UNC5B: variants seen among roughly 807,000 people sequenced by gnomAD.
UNC5B encodes the protein unc-5 netrin receptor B, also known as netrin receptor UNC5B.
A neutral mutation model predicts 103.7 loss-of-function variants in UNC5B; 56 were observed. The observed-to-expected ratio is 0.54, with a 90% confidence interval of 0.44 to 0.67. The LOEUF is 0.67. Ranked by LOEUF, UNC5B falls within the 30% of genes least tolerant of loss-of-function variation. The pLI is 0.00. For synonymous variants in UNC5B, 577 were observed against 542.0 expected, an observed-to-expected ratio of 1.06 and a Z score of -0.90; for missense variants, 1,194 against 1,284.5, an observed-to-expected ratio of 0.93 and a Z score of 1.08.
At chr10:71,284,228 G>A (rs1036527816) in intron 2 of UNC5B, among the ~76,000 whole-genome samples, 1 of 152,072 alleles carries the variant, frequency 6.6e-6, no homozygotes, top group African/African-American at 2.4e-5. Flanking sequence ...GGACTGGGAG[G>A]CCACCAGGCC....
intron 1 of UNC5B, among the ~76,000 whole-genome samples, chr10:71,276,541 C>T (rs1421220172): frequency 6.6e-6 from 1 of 152,242 alleles, no homozygotes. Flanking sequence ...TCAAGCAGTT[C>T]TCCCACCTCA....
At chr10:71,256,946 G>A (rs1242393508) in intron 1 of UNC5B, among the ~76,000 whole-genome samples, 1 of 152,210 alleles carries the variant, frequency 6.6e-6, no homozygotes, top group Non-Finnish European at 1.5e-5. Flanking sequence ...AGGGTGGGCA[G>A]GAGGGTGAGC....
rs1843284384 is a variant in UNC5B, at chr10:71,213,967, C to A, written c.79+903C>A. On this transcript the variant is annotated intron_variant, in intron 1 of 16. Coordinates refer to ENST00000335350, the MANE Select transcript of UNC5B (RefSeq NM_170744.5). The surrounding 1 kb of genome is among the most constrained non-coding windows in gnomAD (Gnocchi z 4.1). ...TCTCGCCGTGGATGAATACGTTTCT[C>A]GCTCGTCCTGTAGCTGGACCCGGCG... Among the ~76,000 whole-genome samples, 1 of 151,902 alleles carries A rather than the reference C, an allele frequency of 6.6e-6. No individual in the cohort carries two copies. The highest frequency in any genetic ancestry group is 6.6e-5 in the Admixed American group (1 of 15,248).
chr10:71,274,125 G>C (rs1844709286), intron 1 of UNC5B, among the ~76,000 whole-genome samples: 1 of 152,200 alleles, frequency 6.6e-6, no homozygotes, highest in South Asian at 2.1e-4. Flanking sequence ...CACTTTGGGA[G>C]GCCAAGGCAG....
intron 1 of UNC5B, among the ~76,000 whole-genome samples, chr10:71,244,948 C>T (rs1843991988): frequency 1.3e-5 from 2 of 152,262 alleles, no homozygotes; most frequent in African/African-American, 4.8e-5. Context: ...ATGTTCCTCA[C>T]TTCCTGCCTG....
Position 71,213,106 on chromosome 10 carries a change from C to G in UNC5B, c.79+42C>G, listed in dbSNP as rs761507574. On this transcript the variant is annotated intron_variant, in intron 1 of 16. Coordinates refer to ENST00000335350, the MANE Select transcript of UNC5B (RefSeq NM_170744.5). The surrounding 1 kb of genome is among the most constrained non-coding windows in gnomAD (Gnocchi z 4.1). ...TCTGGGGGCGCGGGGCTAGGGGACCCTTGCGCCTCACTCTGTCCTGAAGTT... is the reference window on the plus strand; with the variant it reads ...TCTGGGGGCGCGGGGCTAGGGGACCGTTGCGCCTCACTCTGTCCTGAAGTT... 1 of 1,252,030 alleles carries G rather than the reference C, an allele frequency of 8.0e-7. No individual in the cohort carries two copies. Among genetic ancestry groups the G allele is most frequent in the African/African-American group, 1.5e-5 (1 of 65,134 alleles). The allele number at this position is 1,252,030 out of a possible 1,614,324, so 77.6% of individuals were successfully genotyped here.
Position 71,300,197 on chromosome 10 carries a change from C to T in UNC5B, c.*920C>T, listed in dbSNP as rs1487705699. The T allele has an allele frequency of 6.6e-6, 1 of 152,210 alleles. No homozygotes were observed. The highest frequency in any genetic ancestry group is 1.5e-5 in the Non-Finnish European group (1 of 68,054). 9.4% of individuals were successfully genotyped at this position (152,210 alleles called of 1,614,324 possible). Reference sequence around the variant, plus strand: ...CAGGGAGTAGGTCAGACAGGGTTTTCACTGTCTAGATTTAGCTGGTTAGAT... The same window carrying T: ...CAGGGAGTAGGTCAGACAGGGTTTTTACTGTCTAGATTTAGCTGGTTAGAT... On this transcript the variant is annotated 3_prime_UTR_variant, in exon 17 of 17. Transcript: ENST00000335350.
chr10:71,246,903 G>C (rs569047281), intron 1 of UNC5B, among the ~76,000 whole-genome samples: 5 of 152,158 alleles, frequency 3.3e-5, no homozygotes, highest in African/African-American at 1.2e-4. Context: ...GCTCCCTGAA[G>C]CAGGGAGGGC....
In UNC5B at chr10:71,299,407, C is replaced by T. The variant is rs145550621; in HGVS notation, c.*130C>T. On this transcript the variant is annotated 3_prime_UTR_variant, in exon 17 of 17. Transcript: ENST00000335350. Reference sequence around the variant, plus strand: ...ACAGCCAGAGTTGCCTCTCCTCCTCCTCTTCCCCAACCCCCAGACCATGAC... The same window carrying T: ...ACAGCCAGAGTTGCCTCTCCTCCTCTTCTTCCCCAACCCCCAGACCATGAC... 4.7e-5 allele frequency: 54 copies of T among 1,142,164 alleles called. No homozygotes were observed. The East Asian group carries it at 1.2e-3, about 26-fold the overall frequency. The allele number at this position is 1,142,164 out of a possible 1,614,324, so 70.8% of individuals were successfully genotyped here.
intron 10 of UNC5B, 35 bp from the exon 11 acceptor site, chr10:71,292,432 T>C: frequency 6.5e-7 from 1 of 1,544,834 alleles, no homozygotes; most frequent in East Asian, 2.3e-5. Flanking sequence ...TCTCCTAAGC[T>C]CCTGGACTCC....
At chr10:71,218,404 C>T (rs1843382184) in intron 1 of UNC5B, among the ~76,000 whole-genome samples, 1 of 152,186 alleles carries the variant, frequency 6.6e-6, no homozygotes, top group Non-Finnish European at 1.5e-5. Context: ...CATTGTATTC[C>T]GTTGGGGATT....
At chr10:71,215,702 T>C (rs1320645263) in intron 1 of UNC5B, among the ~76,000 whole-genome samples, 1 of 152,150 alleles carries the variant, frequency 6.6e-6, no homozygotes, top group Non-Finnish European at 1.5e-5. Flanking sequence ...TAATGAGCCT[T>C]TCCATGGCCT....
rs1400256856 is a variant in UNC5B at position 71,212,951 on chromosome 10, C to T, written c.-35C>T. The T allele has an allele frequency of 7.6e-6, 10 of 1,310,052 alleles. No homozygotes were observed. The highest frequency in any genetic ancestry group is 9.7e-6 in the Non-Finnish European group (10 of 1,027,952). The allele number at this position is 1,310,052 out of a possible 1,614,324, so 81.2% of individuals were successfully genotyped here. On this transcript the variant is annotated 5_prime_UTR_variant, in exon 1 of 17. Coordinates refer to ENST00000335350, the MANE Select transcript of UNC5B (RefSeq NM_170744.5). ...CGAGACTGGGGCCAGGGAGACAGCC[C>T]TGGGGGAGAGGCGCCCGAACCAGGC...
intron 8 of UNC5B, among the ~76,000 whole-genome samples, chr10:71,290,392 T>C (rs975399922): frequency 2.0e-5 from 3 of 152,200 alleles, no homozygotes; most frequent in Non-Finnish European, 4.4e-5. Context: ...GTGCATCTCA[T>C]TCCACTTCTT....
chr10:71,257,966 T>C (rs1844329708), intron 1 of UNC5B, among the ~76,000 whole-genome samples: 1 of 152,168 alleles, frequency 6.6e-6, no homozygotes. Flanking sequence ...TCTTTAGAGG[T>C]GGGGAAACAG....
intron 1 of UNC5B, among the ~76,000 whole-genome samples, chr10:71,277,142 T>C (rs16928594): frequency 0.074 from 11,269 of 152,278 alleles, 472 homozygotes; most frequent in Middle Eastern, 0.12. Context: ...ATTAGAGTTA[T>C]AAAACAAAGT....
chr10:71,214,179 CTG>C lies in UNC5B; in HGVS notation c.79+1116_79+1117del, dbSNP rs1564701465. Among the ~76,000 whole-genome samples the C allele has an allele frequency of 5.3e-5, 8 of 152,222 alleles. No homozygotes were observed. The South Asian group carries it at 1.0e-3, about 20-fold the overall frequency. ...TGAGGCTGAGAATGGAGCAGGAAAA[CTG>C]GAGCAGAAAGTGGACGAGATGACGC... On this transcript the variant is annotated intron_variant, in intron 1 of 16. Transcript: ENST00000335350.
At chr10:71,215,295 CA>C (rs1222032256) in intron 1 of UNC5B, among the ~76,000 whole-genome samples, 1 of 152,196 alleles carries the variant, frequency 6.6e-6, no homozygotes, top group Non-Finnish European at 1.5e-5. Context: ...GTCCAATAGC[CA>C]GACTGATTCA....
chr10:71,294,243 A>T (rs973369839), intron 13 of UNC5B, among the ~76,000 whole-genome samples: 2 of 152,178 alleles, frequency 1.3e-5, no homozygotes, highest in African/African-American at 2.4e-5. Flanking sequence ...GAAGGCTGAC[A>T]TGTAGGAGTT....
Sources: allele counts gnomAD v4.1 joint callset (sites outside exome capture counted in the v4.1 genomes callset), GRCh38; gene constraint gnomAD v4.1.1; non-coding constraint Gnocchi (gnomAD v3.1); transcripts MANE v1.5; gene names NCBI Gene and HGNC (gene_info 2026-07-23, HGNC 2026-07-21).